The following PRMT3 variants were observed in gnomAD, a reference collection of about 807,000 sequenced individuals.
PRMT3 encodes protein arginine N-methyltransferase 3.
In PRMT3, 62 loss-of-function variants were observed where a neutral mutation model predicts 71.9. That is an observed-to-expected ratio of 0.86 (90% CI 0.70 to 1.07). PRMT3 has a LOEUF of 1.07. Ranked by LOEUF, PRMT3 falls within the 50% of genes least tolerant of loss-of-function variation. The probability of loss-of-function intolerance (pLI) is 0.00; values close to 1 mark genes in which losing one functional copy is unlikely to be tolerated. For missense variants in PRMT3, 663 were observed against 643.0 expected (o/e 1.03, Z -0.34); for synonymous variants, 213 against 220.4 (o/e 0.97, Z 0.30).
chr11:20,479,343 G>A (rs1459961623), intron 13 of PRMT3, among the ~76,000 whole-genome samples: 3 of 152,054 alleles, frequency 2.0e-5, no homozygotes, highest in East Asian at 1.9e-4. Flanking sequence ...AGCCACACCC[G>A]ATAGTTCCTC....
intron 13 of PRMT3, among the ~76,000 whole-genome samples, chr11:20,481,213 AG>A (rs1319473660): frequency 6.6e-6 from 1 of 151,978 alleles, no homozygotes; most frequent in Non-Finnish European, 1.5e-5. Context: ...CCAGTGGAGT[AG>A]CATCATATGC....
intron 10 of PRMT3, among the ~76,000 whole-genome samples, chr11:20,437,374 A>T (rs1849782838): frequency 6.6e-6 from 1 of 152,166 alleles, no homozygotes; most frequent in South Asian, 2.1e-4. Flanking sequence ...TGATGTAGAC[A>T]TCTGGTGGAG....
chr11:20,445,176 T>A (rs554094703), intron 10 of PRMT3, among the ~76,000 whole-genome samples: 35 of 152,070 alleles, frequency 2.3e-4, no homozygotes, highest in African/African-American at 6.7e-4. Flanking sequence ...CTTAATTTTT[T>A]AAAAAAAATC....
Position 20,454,318 on chromosome 11 carries a change from T to G in PRMT3, c.1072+2110T>G, listed in dbSNP as rs192191077. ...CCAGACCTGCCTGACTTGATCTTAT[T>G]GAGGAACTGACAGCAACTTAATACA... On this transcript the variant is annotated intron_variant, in intron 11 of 15. Transcript: ENST00000331079. Among the ~76,000 whole-genome samples the G allele has an allele frequency of 1.7e-3, 260 of 152,302 alleles. 2 individuals are homozygous for G. The highest frequency in any genetic ancestry group is 6.9e-3 in the Admixed American group (105 of 15,298).
chr11:20,466,786 A>T (rs1374226576), intron 13 of PRMT3, among the ~76,000 whole-genome samples: 1 of 152,210 alleles, frequency 6.6e-6, no homozygotes, highest in Non-Finnish European at 1.5e-5. Flanking sequence ...ACAAGAAAAA[A>T]ATTGGTAAAG....
chr11:20,468,956 A>G (rs1446852523), intron 13 of PRMT3, among the ~76,000 whole-genome samples: 2 of 152,142 alleles, frequency 1.3e-5, no homozygotes, highest in African/African-American at 2.4e-5. Context: ...CAGACTTTAT[A>G]TTTTAGGAAT....
At chr11:20,475,768 C>T (rs1803307287) in intron 13 of PRMT3, among the ~76,000 whole-genome samples, 1 of 151,204 alleles carries the variant, frequency 6.6e-6, no homozygotes, top group Non-Finnish European at 1.5e-5. Context: ...AATTCTCCTG[C>T]CTCAGCCTCC....
intron 13 of PRMT3, among the ~76,000 whole-genome samples, chr11:20,472,874 G>A (rs1192363743): frequency 2.0e-5 from 3 of 148,866 alleles, no homozygotes; most frequent in Non-Finnish European, 3.0e-5. Flanking sequence ...GGTGGGGGGT[G>A]GAGGGTGGGG....
intron 9 of PRMT3, among the ~76,000 whole-genome samples, chr11:20,426,380 G>T (rs950496129): frequency 6.6e-5 from 10 of 152,236 alleles, no homozygotes; most frequent in Admixed American, 5.2e-4. Flanking sequence ...TGGGCTTGGG[G>T]CTTCAAATTC....
intron 10 of PRMT3, among the ~76,000 whole-genome samples, chr11:20,442,649 G>A (rs1849935078): frequency 6.6e-6 from 1 of 152,006 alleles, no homozygotes; most frequent in South Asian, 2.1e-4. Flanking sequence ...GTGCACACAT[G>A]CACACCAACT....
chr11:20,388,078 G>T lies in PRMT3; in HGVS notation c.88G>T (p.Glu30Ter), dbSNP rs2133288881. ...DLPELSDSGD[E>*]AAWEDEDDAD... The stretch of plus-strand genomic sequence containing the variant: ...GCCAGAACTGTCGGACAGCGGGGAC[G>T]AGGCCGCCTGGGAGGATGAGGACGA... The change falls in exon 2 of 16, where the codon GAG becomes TAG. Residue 30 changes from glutamate to a stop codon, truncating the protein, a stop_gained. Transcript: ENST00000331079. LOFTEE classifies it high-confidence loss of function. 1 of 1,614,046 alleles carries T rather than the reference G, an allele frequency of 6.2e-7. No homozygotes were observed. The highest frequency in any genetic ancestry group is 8.5e-7 in the Non-Finnish European group (1 of 1,179,988).
intron 13 of PRMT3, among the ~76,000 whole-genome samples, chr11:20,490,840 G>A (rs1287984263): frequency 6.6e-6 from 1 of 152,112 alleles, no homozygotes; most frequent in Non-Finnish European, 1.5e-5. Flanking sequence ...ACCTTCTGAA[G>A]AACTTCTTTT....
chr11:20,471,904 A>G (rs1404808321), intron 13 of PRMT3, among the ~76,000 whole-genome samples: 2 of 151,994 alleles, frequency 1.3e-5, no homozygotes, highest in African/African-American at 2.4e-5. Flanking sequence ...TTCTCCTTGA[A>G]GAGGTCCTTC....
At chr11:20,484,845 A>C (rs1449552728) in intron 13 of PRMT3, among the ~76,000 whole-genome samples, 2 of 152,226 alleles carry the variant, frequency 1.3e-5, no homozygotes, top group Admixed American at 6.5e-5. Context: ...GCCAAAAAAA[A>C]GTTAAATGCT....
At chr11:20,404,062 T>C (rs1849008627) in intron 8 of PRMT3, among the ~76,000 whole-genome samples, 1 of 152,048 alleles carries the variant, frequency 6.6e-6, no homozygotes, top group Non-Finnish European at 1.5e-5. Flanking sequence ...GCCAAAGCAT[T>C]GCACCTCGTG....
intron 13 of PRMT3, among the ~76,000 whole-genome samples, chr11:20,481,379 G>A (rs1160782368): frequency 6.6e-6 from 1 of 151,976 alleles, no homozygotes; most frequent in African/African-American, 2.4e-5. Context: ...CACATCTGCT[G>A]TTTCTTTAGT....
intron 10 of PRMT3, among the ~76,000 whole-genome samples, chr11:20,433,657 G>A (rs1849702502): frequency 6.6e-6 from 1 of 152,072 alleles, no homozygotes; most frequent in South Asian, 2.1e-4. Flanking sequence ...GTCTCACTCT[G>A]TCTCCCAGGC....
chr11:20,414,331 A>C (rs1050974176), intron 9 of PRMT3, among the ~76,000 whole-genome samples: 3 of 152,198 alleles, frequency 2.0e-5, no homozygotes, highest in Non-Finnish European at 4.4e-5. Context: ...TAAGAAGATT[A>C]GGCTGGCTCT....
chr11:20,388,285 G>T, intron 2 of PRMT3, 131 bp downstream of exon 2: 1 of 1,345,652 alleles, frequency 7.4e-7, no homozygotes, highest in South Asian at 1.4e-5. Flanking sequence ...CACTGGTCTG[G>T]GGTGAGGGCT....
Sources: allele counts gnomAD v4.1 joint callset (sites outside exome capture counted in the v4.1 genomes callset), GRCh38; gene constraint gnomAD v4.1.1; transcripts MANE v1.5; gene names NCBI Gene and HGNC (gene_info 2026-07-23, HGNC 2026-07-21).